The following CSMD1 variants were observed in gnomAD, a reference collection of about 807,000 sequenced individuals.
CSMD1 encodes the protein CUB and Sushi multiple domains 1.
CSMD1 carries 213 observed loss-of-function variants against 417.5 expected under a neutral mutation model. That is an observed-to-expected ratio of 0.51 (90% CI 0.46 to 0.57). The LOEUF (loss-of-function observed/expected upper bound fraction) is 0.57, where lower values mean the gene tolerates loss of function less well. CSMD1 is among the 20% of genes least tolerant of loss of function. The probability of loss-of-function intolerance (pLI) is 0.00; values close to 1 mark genes in which losing one functional copy is unlikely to be tolerated. For missense variants in CSMD1, 6,923 were observed against 4,529.7 expected (o/e 1.53, Z -15.17); for synonymous variants, 2,862 against 1,736.8 (o/e 1.65, Z -16.11).
At chr8:4,045,690 G>C (rs57498903) in intron 3 of CSMD1, among the ~76,000 whole-genome samples, 2,142 of 152,306 alleles carry the variant, frequency 0.014, 43 homozygotes, top group East Asian at 0.09. Context: ...GAACCTAAGA[G>C]TCAAAGCAGT....
intron 3 of CSMD1, among the ~76,000 whole-genome samples, chr8:4,041,302 C>T (rs867345380): frequency 9.9e-5 from 15 of 152,274 alleles, no homozygotes; most frequent in African/African-American, 3.6e-4. Flanking sequence ...CATGCGTGAG[C>T]CACCGCGCCT....
intron 2 of CSMD1, among the ~76,000 whole-genome samples, chr8:4,507,434 A>G (rs1020241713): frequency 6.6e-6 from 1 of 152,294 alleles, no homozygotes; most frequent in East Asian, 1.9e-4. Flanking sequence ...CCAGTGTTTT[A>G]TGGGTGCCAG....
intron 3 of CSMD1, among the ~76,000 whole-genome samples, chr8:4,319,979 A>C (rs1224633071): frequency 6.6e-6 from 1 of 152,180 alleles, no homozygotes; most frequent in Non-Finnish European, 1.5e-5. Flanking sequence ...CAGAGTGGAA[A>C]AATATCATAA....
intron 2 of CSMD1, among the ~76,000 whole-genome samples, chr8:4,587,140 T>C (rs753487587): frequency 1.3e-5 from 2 of 152,206 alleles, no homozygotes; most frequent in Admixed American, 1.3e-4. Flanking sequence ...TTCTTCCACA[T>C]TGATTTTTCT....
At chr8:4,286,095 C>T (rs566289958) in intron 3 of CSMD1, among the ~76,000 whole-genome samples, 1 of 152,036 alleles carries the variant, frequency 6.6e-6, no homozygotes, top group African/African-American at 2.4e-5. Context: ...ACACATTATT[C>T]TTTATGTGAC....
chr8:4,189,587 G>C (rs1254740849), intron 3 of CSMD1, among the ~76,000 whole-genome samples: 1 of 152,150 alleles, frequency 6.6e-6, no homozygotes, highest in Non-Finnish European at 1.5e-5. Flanking sequence ...ATGATACTAT[G>C]TTAGTTGATT....
chr8:3,544,429 G>A (rs754619543), intron 10 of CSMD1, among the ~76,000 whole-genome samples: 2 of 152,122 alleles, frequency 1.3e-5, no homozygotes, highest in East Asian at 1.9e-4. Context: ...GGATGGAGGC[G>A]TTCTTTCTCT....
intron 5 of CSMD1, among the ~76,000 whole-genome samples, chr8:3,765,205 G>C (rs746976597): frequency 6.6e-6 from 1 of 152,094 alleles, no homozygotes; most frequent in Non-Finnish European, 1.5e-5. Flanking sequence ...TGCCCATGTG[G>C]TGGCGATCAC....
chr8:4,762,312 C>T (rs1405642644), intron 1 of CSMD1, among the ~76,000 whole-genome samples: 2 of 151,938 alleles, frequency 1.3e-5, no homozygotes, highest in South Asian at 4.1e-4. Flanking sequence ...TAGCTGTTTA[C>T]TGGTATAACA....
intron 5 of CSMD1, among the ~76,000 whole-genome samples, chr8:3,773,997 T>G (rs1353581389): frequency 6.6e-6 from 1 of 152,204 alleles, no homozygotes; most frequent in Admixed American, 6.5e-5. Context: ...CTCTTAATTC[T>G]TTTACTTACA....
At chr8:3,491,210 C>A (rs778693728) in intron 11 of CSMD1, among the ~76,000 whole-genome samples, 1 of 152,058 alleles carries the variant, frequency 6.6e-6, no homozygotes, top group Non-Finnish European at 1.5e-5. Context: ...GGTCCACAGG[C>A]GATAAAGACT....
chr8:4,512,540 G>A (rs1047662874), intron 2 of CSMD1, among the ~76,000 whole-genome samples: 4 of 151,700 alleles, frequency 2.6e-5, no homozygotes, highest in African/African-American at 9.7e-5. Context: ...CTAAATAATT[G>A]AGAAAAAAAA....
chr8:3,768,771 GAA>G (rs1190257476), intron 5 of CSMD1, among the ~76,000 whole-genome samples: 2 of 152,204 alleles, frequency 1.3e-5, no homozygotes, highest in Non-Finnish European at 2.9e-5. Flanking sequence ...CACACTCTCA[GAA>G]ATCGTAAGGC....
intron 2 of CSMD1, among the ~76,000 whole-genome samples, chr8:4,438,264 A>C (rs1192938663): frequency 6.6e-6 from 1 of 152,314 alleles, no homozygotes; most frequent in African/African-American, 2.4e-5. Flanking sequence ...CAGTTCTTTA[A>C]GGTTGAAGAG....
In CSMD1 at chr8:3,360,542, G is replaced by A. The variant is rs77335111; in HGVS notation, c.3116-1202C>T. Among the ~76,000 whole-genome samples, 44 of 152,308 alleles carry A rather than the reference G, an allele frequency of 2.9e-4. No individual in the cohort carries two copies. The East Asian group carries it at 8.3e-3, about 29-fold the overall frequency. On this transcript the variant is annotated intron_variant, in intron 20 of 69. Transcript: ENST00000635120. ...CAGTTTTGTCAGATAGTATCAAACA[G>A]TCAGCCAGCCAACTAGGAAAATATG...
chr8:3,579,491 CTTTT>C (rs1409084534), intron 9 of CSMD1, among the ~76,000 whole-genome samples: 1 of 152,044 alleles, frequency 6.6e-6, no homozygotes, highest in Non-Finnish European at 1.5e-5. Context: ...GCATTAGAAG[CTTTT>C]TTTAAAGCAA....
intron 8 of CSMD1, among the ~76,000 whole-genome samples, chr8:3,603,981 A>C (rs541742350): frequency 2.0e-5 from 3 of 152,318 alleles, no homozygotes; most frequent in Admixed American, 1.3e-4. Context: ...GTAAATGAAA[A>C]TTTTGCATAC....
chr8:3,206,605 T>C (rs1214801872), intron 30 of CSMD1, among the ~76,000 whole-genome samples: 3 of 142,980 alleles, frequency 2.1e-5, no homozygotes, highest in African/African-American at 7.9e-5. Flanking sequence ...TATGTCTGTA[T>C]GTGTGTGTAT....
intron 26 of CSMD1, among the ~76,000 whole-genome samples, chr8:3,257,804 G>A (rs533613413): frequency 6.6e-5 from 10 of 152,158 alleles, no homozygotes; most frequent in East Asian, 3.9e-4. Flanking sequence ...GAGGGCGATC[G>A]GTGGGTGGGG....
Sources: allele counts gnomAD v4.1 joint callset (sites outside exome capture counted in the v4.1 genomes callset), GRCh38; gene constraint gnomAD v4.1.1; transcripts MANE v1.5; gene names NCBI Gene and HGNC (gene_info 2026-07-23, HGNC 2026-07-21).